Variants in UVRAG observed in about 807,000 individuals in gnomAD.
UVRAG encodes the protein UV radiation resistance associated, also known as UV radiation resistance-associated gene protein.
A neutral mutation model predicts 78.0 loss-of-function variants in UVRAG; 19 were observed. That is an observed-to-expected ratio of 0.24 (90% CI 0.17 to 0.36). The LOEUF is 0.36. UVRAG is among the 10% of genes least tolerant of loss of function. The pLI, the probability that UVRAG is intolerant of heterozygous loss-of-function variation, is 1.00. For synonymous variants in UVRAG, 323 were observed against 324.6 expected, an observed-to-expected ratio of 1.00 and a Z score of 0.05; for missense variants, 740 against 853.8, an observed-to-expected ratio of 0.87 and a Z score of 1.66.
intron 13 of UVRAG, among the ~76,000 whole-genome samples, chr11:76,104,035 T>G (rs1431859562): frequency 6.6e-6 from 1 of 152,098 alleles, no homozygotes; most frequent in African/African-American, 2.4e-5. Context: ...CTTAAACAAC[T>G]TATATGCAAT....
intron 6 of UVRAG, among the ~76,000 whole-genome samples, chr11:75,920,043 T>TG (rs780942156): frequency 2.9e-5 from 3 of 102,996 alleles, no homozygotes; most frequent in Non-Finnish European, 4.1e-5. Flanking sequence ...TTTTTTTTTT[T>TG]GGGACGAAGT....
intron 7 of UVRAG, among the ~76,000 whole-genome samples, chr11:75,966,591 T>C (rs1320282985): frequency 1.3e-5 from 2 of 152,214 alleles, no homozygotes; most frequent in Non-Finnish European, 1.5e-5. Context: ...TGGATCATCT[T>C]GGGGTTGGCA....
chr11:76,119,219 C>T (rs1215122377), intron 14 of UVRAG, among the ~76,000 whole-genome samples: 1 of 152,182 alleles, frequency 6.6e-6, no homozygotes, highest in Non-Finnish European at 1.5e-5. Context: ...CTTCCTGAAA[C>T]ACTCTTCCTT....
chr11:76,030,409 C>T (rs1406770015), intron 12 of UVRAG, among the ~76,000 whole-genome samples: 3 of 152,036 alleles, frequency 2.0e-5, no homozygotes, highest in Admixed American at 6.6e-5. Context: ...TCAAATAGGC[C>T]GAGAGTTAAC....
At chr11:76,076,533 G>A (rs1010504675) in intron 13 of UVRAG, among the ~76,000 whole-genome samples, 2 of 152,164 alleles carry the variant, frequency 1.3e-5, no homozygotes, top group Non-Finnish European at 2.9e-5. Flanking sequence ...CCCATGACAC[G>A]TGGAATTATG....
At chr11:75,951,429 C>G (rs1267916584) in intron 6 of UVRAG, among the ~76,000 whole-genome samples, 1 of 151,646 alleles carries the variant, frequency 6.6e-6, no homozygotes, top group Non-Finnish European at 1.5e-5. Flanking sequence ...GTTGCCTAGG[C>G]TGGAGTACAA....
At chr11:76,028,640 C>T (rs867431438) in intron 12 of UVRAG, among the ~76,000 whole-genome samples, 6 of 152,100 alleles carry the variant, frequency 3.9e-5, no homozygotes, top group African/African-American at 7.2e-5. Context: ...TCAAACCAGC[C>T]GCAACATTCC....
chr11:75,912,601 T>C (rs1055560537), intron 6 of UVRAG, among the ~76,000 whole-genome samples: 2 of 152,220 alleles, frequency 1.3e-5, no homozygotes, highest in African/African-American at 2.4e-5. Flanking sequence ...CAAGGATATT[T>C]TTCCAGGGAG....
At chr11:75,901,672 T>C (rs145789107) in intron 5 of UVRAG, among the ~76,000 whole-genome samples, 79 of 152,376 alleles carry the variant, frequency 5.2e-4, no homozygotes, top group African/African-American at 1.8e-3. Context: ...TTCCTGGTTC[T>C]TGACATTATA....
intron 8 of UVRAG, among the ~76,000 whole-genome samples, chr11:75,994,541 G>A (rs1949669973): frequency 6.6e-6 from 1 of 152,148 alleles, no homozygotes; most frequent in Admixed American, 6.5e-5. Context: ...ACATGAAGTA[G>A]ATAACTTTTA....
intron 1 of UVRAG, among the ~76,000 whole-genome samples, chr11:75,822,847 A>G (rs537822599): frequency 4.6e-5 from 7 of 152,150 alleles, no homozygotes; most frequent in Admixed American, 3.9e-4. Flanking sequence ...TGTGATTTGT[A>G]TGGAGGCTTC....
At chr11:75,931,288 A>G (rs1458774501) in intron 6 of UVRAG, among the ~76,000 whole-genome samples, 1 of 152,104 alleles carries the variant, frequency 6.6e-6, no homozygotes, top group African/African-American at 2.4e-5. Context: ...ACGTTATGAC[A>G]CCAGCCTTCC....
At chr11:75,934,299 A>G (rs559517093) in intron 6 of UVRAG, among the ~76,000 whole-genome samples, 17 of 152,260 alleles carry the variant, frequency 1.1e-4, no homozygotes, top group African/African-American at 4.1e-4. Context: ...AAAACAATTG[A>G]AGTCATGGAG....
rs902619367 is a variant in UVRAG, at chr11:76,041,100, A to C, written c.1226+24120A>C. On this transcript the variant is annotated intron_variant, in intron 12 of 14. Transcript: ENST00000356136. ...TTCCAATGCAAGAACCCTTAGGGAAAATGGTTAAAAGACAAACCACTCAAT... is the reference window on the plus strand; with the variant it reads ...TTCCAATGCAAGAACCCTTAGGGAACATGGTTAAAAGACAAACCACTCAAT... Among the ~76,000 whole-genome samples the C allele has an allele frequency of 3.3e-5, 5 of 152,244 alleles. No homozygotes were observed. In the East Asian group the frequency reaches 9.6e-4, roughly 29 times the overall value.
intron 12 of UVRAG, among the ~76,000 whole-genome samples, chr11:76,050,511 A>G (rs1193495215): frequency 6.6e-6 from 1 of 152,212 alleles, no homozygotes; most frequent in East Asian, 1.9e-4. Context: ...AGACATTTGT[A>G]TAAACAGACA....
intron 8 of UVRAG, among the ~76,000 whole-genome samples, chr11:75,990,249 A>G (rs1324026187): frequency 1.3e-5 from 2 of 152,204 alleles, no homozygotes; most frequent in Non-Finnish European, 2.9e-5. Flanking sequence ...TCACAAGCCT[A>G]CTTCATTGTT....
chr11:76,099,497 A>C (rs904859708), intron 13 of UVRAG, among the ~76,000 whole-genome samples: 6 of 152,174 alleles, frequency 3.9e-5, no homozygotes, highest in African/African-American at 1.4e-4. Flanking sequence ...TAAGTGTTCT[A>C]GTTCTAAAAA....
At chr11:76,098,318 A>G (rs551451919) in intron 13 of UVRAG, among the ~76,000 whole-genome samples, 1 of 152,080 alleles carries the variant, frequency 6.6e-6, no homozygotes, top group Non-Finnish European at 1.5e-5. Flanking sequence ...GTTTTCCAAA[A>G]ATTACTTTAA....
chr11:75,818,096 CA>C, intron 1 of UVRAG, among the ~76,000 whole-genome samples: 1 of 151,824 alleles, frequency 6.6e-6, no homozygotes, highest in South Asian at 2.1e-4. Context: ...AAAAACCCCC[CA>C]AAAACCCCAA....
Sources: allele counts gnomAD v4.1 joint callset (sites outside exome capture counted in the v4.1 genomes callset), GRCh38; gene constraint gnomAD v4.1.1; transcripts MANE v1.5; gene names NCBI Gene and HGNC (gene_info 2026-07-23, HGNC 2026-07-21).